Variants in LMX1A observed in about 807,000 individuals in gnomAD.
LMX1A encodes LIM homeobox transcription factor 1 alpha, also known as LIM homeobox transcription factor 1-alpha.
A neutral mutation model predicts 49.1 loss-of-function variants in LMX1A; 15 were observed. The observed-to-expected ratio is 0.31, with a 90% CI of 0.20 to 0.47. The LOEUF (loss-of-function observed/expected upper bound fraction) is 0.47, where lower values mean the gene tolerates loss of function less well. Ranked by LOEUF, LMX1A falls within the 20% of genes least tolerant of loss-of-function variation. The pLI is 1.00. For missense variants in LMX1A, 372 were observed against 475.8 expected (o/e 0.78, Z 2.03); for synonymous variants, 167 against 185.7 (o/e 0.90, Z 0.82).
chr1:165,292,303 C>G (rs1257168508), intron 3 of LMX1A, among the ~76,000 whole-genome samples: 1 of 151,950 alleles, frequency 6.6e-6, no homozygotes, highest in Non-Finnish European at 1.5e-5. Flanking sequence ...CGCAGTAGCT[C>G]AAGACTCATA....
intron 4 of LMX1A, among the ~76,000 whole-genome samples, chr1:165,233,118 T>A (rs1248498885): frequency 6.6e-6 from 1 of 152,206 alleles, no homozygotes; most frequent in East Asian, 1.9e-4. Context: ...CCCATAGCCA[T>A]GAAGACTCAC....
chr1:165,298,998 G>A, intron 3 of LMX1A, among the ~76,000 whole-genome samples: 1 of 152,158 alleles, frequency 6.6e-6, no homozygotes, highest in East Asian at 1.9e-4. Context: ...AACTCCAAGA[G>A]ATATTTTTAT....
At chr1:165,332,417 CAA>C (rs1655774487) in intron 3 of LMX1A, among the ~76,000 whole-genome samples, 2 of 151,944 alleles carry the variant, frequency 1.3e-5, no homozygotes, top group African/African-American at 4.8e-5. Flanking sequence ...TTTAAAAAAA[CAA>C]AGATTAGGAA....
At chr1:165,236,386 A>T (rs897495619) in intron 4 of LMX1A, among the ~76,000 whole-genome samples, 3 of 151,332 alleles carry the variant, frequency 2.0e-5, no homozygotes, top group Non-Finnish European at 4.4e-5. Flanking sequence ...ACCACCAATC[A>T]CCACACTGTG....
At chr1:165,354,912 A>AG (rs1656554235) in intron 2 of LMX1A, among the ~76,000 whole-genome samples, 1 of 151,936 alleles carries the variant, frequency 6.6e-6, no homozygotes, top group South Asian at 2.1e-4. Context: ...AGGAGTTGTG[A>AG]GGGGGGACCC....
intron 3 of LMX1A, among the ~76,000 whole-genome samples, chr1:165,255,406 C>T (rs1653201786): frequency 6.6e-6 from 1 of 152,216 alleles, no homozygotes; most frequent in Admixed American, 6.5e-5. Flanking sequence ...CTATAAGATG[C>T]ATAACTTTCA....
chr1:165,315,145 C>T (rs1655182767), intron 3 of LMX1A, among the ~76,000 whole-genome samples: 1 of 152,198 alleles, frequency 6.6e-6, no homozygotes. Context: ...CTTCATCTTT[C>T]CCTTTCATTC....
At chr1:165,284,550 G>A (rs1189291553) in intron 3 of LMX1A, among the ~76,000 whole-genome samples, 3 of 152,180 alleles carry the variant, frequency 2.0e-5, no homozygotes, top group Non-Finnish European at 4.4e-5. Flanking sequence ...CATTTTACAC[G>A]GTGCCTACCC....
At chr1:165,218,282 A>G (rs1420216016) in intron 4 of LMX1A, 1 of 152,248 alleles carries the variant, frequency 6.6e-6, no homozygotes, top group Non-Finnish European at 1.5e-5. Flanking sequence ...CCCACAGTCA[A>G]TAACATATAT....
chr1:165,310,681 G>A (rs1027738867), intron 3 of LMX1A, among the ~76,000 whole-genome samples: 1 of 152,144 alleles, frequency 6.6e-6, no homozygotes, highest in South Asian at 2.1e-4. Context: ...TTTATTTTGG[G>A]CATCGCTTCA....
chr1:165,259,369 C>T (rs1008625722), intron 3 of LMX1A, among the ~76,000 whole-genome samples: 1 of 152,188 alleles, frequency 6.6e-6, no homozygotes, highest in Admixed American at 6.5e-5. Flanking sequence ...TGCCTAACAC[C>T]CAGCATATGT....
intron 3 of LMX1A, among the ~76,000 whole-genome samples, chr1:165,297,913 A>G (rs1366537330): frequency 6.6e-6 from 1 of 152,216 alleles, no homozygotes; most frequent in Admixed American, 6.5e-5. Flanking sequence ...AACAAAACCC[A>G]GTCCACTGCA....
chr1:165,294,435 G>A (rs566408502), intron 3 of LMX1A, among the ~76,000 whole-genome samples: 1 of 152,322 alleles, frequency 6.6e-6, no homozygotes, highest in African/African-American at 2.4e-5. Context: ...CCAGGACACA[G>A]AGAAACAAGA....
At chr1:165,274,289 C>T (rs892098812) in intron 3 of LMX1A, among the ~76,000 whole-genome samples, 2 of 152,202 alleles carry the variant, frequency 1.3e-5, no homozygotes, top group Non-Finnish European at 2.9e-5. Flanking sequence ...ATATTTTACA[C>T]ATCTACCCTG....
chr1:165,208,539 T>C (rs1445554271), intron 6 of LMX1A, among the ~76,000 whole-genome samples: 1 of 152,196 alleles, frequency 6.6e-6, no homozygotes, highest in Non-Finnish European at 1.5e-5. Context: ...CCTTTCCTCC[T>C]CCCTGTCTGC....
At chr1:165,311,036 G>A (rs1435401021) in intron 3 of LMX1A, among the ~76,000 whole-genome samples, 1 of 152,192 alleles carries the variant, frequency 6.6e-6, no homozygotes, top group East Asian at 1.9e-4. Flanking sequence ...AAGTTCTAAT[G>A]TTCAAGAAGT....
chr1:165,283,400 CAT>C (rs1343425092), intron 3 of LMX1A, among the ~76,000 whole-genome samples: 1 of 152,234 alleles, frequency 6.6e-6, no homozygotes, highest in African/African-American at 2.4e-5. Context: ...TTAAGTAACA[CAT>C]GACTGTATGT....
rs114888404 is a variant in LMX1A at position 165,318,293 on chromosome 1, A to T, written c.263+34783T>A. On this transcript the variant is annotated intron_variant, in intron 3 of 8. Transcript: ENST00000342310. ...AATGCAGAAAAGAAATGAAAATCGG[A>T]GTCCTTCCAGGATTTGACTTTATCT... 2.3e-3 allele frequency among the ~76,000 whole-genome samples: 352 copies of T among 152,342 alleles called. 1 individual carries two copies. The highest frequency in any genetic ancestry group is 7.8e-3 in the African/African-American group (323 of 41,582).
Position 165,213,360 on chromosome 1 carries a change from T to C in LMX1A, c.669+281A>G, listed in dbSNP as rs1045816213. ...GGGTCTACACCACAATGGACACCTA[T>C]CATTATTACTGTTCCCATTGTGCTC... On this transcript the variant is annotated intron_variant, in intron 5 of 8. Transcript: ENST00000342310. The C allele has an allele frequency of 2.7e-5, 9 of 333,818 alleles. No homozygotes were observed. In the East Asian group the frequency reaches 3.5e-4, roughly 13 times the overall value. The allele number at this position is 333,818 out of a possible 1,614,324, so 20.7% of individuals were successfully genotyped here. A position where few individuals can be genotyped will look rare whatever the true frequency, so the allele number is the denominator to read the frequency against.
Sources: gnomAD v4.1 joint callset for allele counts (sites outside exome capture counted in the v4.1 genomes callset) on GRCh38, gnomAD v4.1.1 for gene constraint, MANE v1.5 for transcripts, NCBI Gene and HGNC (gene_info 2026-07-23, HGNC 2026-07-21) for gene names.